The following XIRP2 variants were observed in gnomAD, a reference collection of about 807,000 sequenced individuals.
The protein encoded by XIRP2 is xin actin binding repeat containing 2.
A neutral mutation model predicts 277.0 loss-of-function variants in XIRP2; 236 were observed. The observed-to-expected ratio is 0.85, with a 90% CI of 0.77 to 0.95. The LOEUF (loss-of-function observed/expected upper bound fraction) is 0.95, where lower values mean the gene tolerates loss of function less well. Among genes scored for constraint, XIRP2 ranks in the 40% least tolerant of loss-of-function variants. XIRP2 has a pLI of 0.00. For missense variants in XIRP2, 4,640 were observed against 4,157.5 expected, an observed-to-expected ratio of 1.12 and a Z score of -3.19; for synonymous variants, 1,490 against 1,416.5, an observed-to-expected ratio of 1.05 and a Z score of -1.17.
At chr2:167,148,567 G>C (rs1459448687) in intron 3 of XIRP2, among the ~76,000 whole-genome samples, 1 of 151,822 alleles carries the variant, frequency 6.6e-6, no homozygotes, top group African/African-American at 2.4e-5. Flanking sequence ...AAACTGCAAA[G>C]TTATATAGCT....
At chr2:167,242,198 T>C (rs958848143) in intron 8 of XIRP2, among the ~76,000 whole-genome samples, 7 of 152,182 alleles carry the variant, frequency 4.6e-5, no homozygotes, top group Non-Finnish European at 8.8e-5. Flanking sequence ...GCTTACTCTG[T>C]TCTGTTTTAA....
intron 2 of XIRP2, among the ~76,000 whole-genome samples, chr2:167,064,655 A>C (rs1359163659): frequency 6.6e-6 from 1 of 151,446 alleles, no homozygotes; most frequent in Non-Finnish European, 1.5e-5. Flanking sequence ...TTAAACAGCA[A>C]CTCCCCTTTC....
At chr2:167,252,844 C>G (rs2105451578) in intron 9 of XIRP2, among the ~76,000 whole-genome samples, 1 of 152,018 alleles carries the variant, frequency 6.6e-6, no homozygotes, top group Non-Finnish European at 1.5e-5. Context: ...AATTATGCCT[C>G]CATCATATTT....
chr2:167,161,883 T>C (rs561186954), intron 3 of XIRP2, among the ~76,000 whole-genome samples: 1 of 152,332 alleles, frequency 6.6e-6, no homozygotes, highest in Non-Finnish European at 1.5e-5. Flanking sequence ...GCTTCCCTTA[T>C]AAAACGGAAT....
At chr2:167,111,124 G>T (rs866170705) in intron 2 of XIRP2, among the ~76,000 whole-genome samples, 1 of 152,060 alleles carries the variant, frequency 6.6e-6, no homozygotes, top group Non-Finnish European at 1.5e-5. Context: ...CTGCAAAGAG[G>T]AATAATTTGA....
intron 2 of XIRP2, among the ~76,000 whole-genome samples, chr2:166,976,051 G>C (rs1686709828): frequency 6.7e-6 from 1 of 148,530 alleles, no homozygotes; most frequent in Admixed American, 6.7e-5. Context: ...AGCCTTGACT[G>C]TCCCAGATAG....
intron 2 of XIRP2, among the ~76,000 whole-genome samples, chr2:166,907,213 A>G (rs1217927839): frequency 6.6e-6 from 1 of 152,212 alleles, no homozygotes; most frequent in Non-Finnish European, 1.5e-5. Context: ...AAATTCGTGT[A>G]AGCATCCTCT....
intron 1 of XIRP2, among the ~76,000 whole-genome samples, chr2:166,900,925 C>T (rs1227359951): frequency 6.6e-6 from 1 of 152,118 alleles, no homozygotes; most frequent in Non-Finnish European, 1.5e-5. Context: ...GGAGCCCCGT[C>T]ACCATCAAGT....
Position 167,088,072 on chromosome 2 carries a change from C to T in XIRP2, c.409-47837C>T, listed in dbSNP as rs558855243. Reference sequence around the variant, plus strand: ...AGTGGCCACTATTAATTTCTGGCAACAGCTATCTTAAAATATTTCCTTTGG... The same window carrying T: ...AGTGGCCACTATTAATTTCTGGCAATAGCTATCTTAAAATATTTCCTTTGG... On this transcript the variant is annotated intron_variant, in intron 2 of 10. Coordinates refer to ENST00000409195, the MANE Select transcript of XIRP2 (RefSeq NM_152381.6). Among the ~76,000 whole-genome samples, 4 of 152,220 alleles carry T rather than the reference C, an allele frequency of 2.6e-5. No homozygotes were observed. The South Asian group carries it at 8.3e-4, about 32-fold the overall frequency.
intron 3 of XIRP2, among the ~76,000 whole-genome samples, chr2:167,169,348 G>A (rs1284623557): frequency 6.6e-6 from 1 of 152,170 alleles, no homozygotes; most frequent in African/African-American, 2.4e-5. Context: ...TGACTGCGTG[G>A]CCCTGGGATT....
At position 167,243,782 on chromosome 2, in the gene XIRP2, T is replaced by C. The variant is rs745638377; in HGVS notation, c.2390T>C (p.Met797Thr). Residue 797 changes from methionine (M) to threonine (T), a missense_variant, in exon 9 of 11, where the codon ATG becomes ACG. Met to Thr is a moderately conservative substitution (Grantham distance 81, BLOSUM62 -1). Coordinates refer to ENST00000409195, the MANE Select transcript of XIRP2 (RefSeq NM_152381.6). Reference sequence around the variant, plus strand: ...ATTAAAGTTGTCCGAGGAATATCCATGGAAGAAAATGTCAAAGGTGGGGTG... The same window carrying C: ...ATTAAAGTTGTCCGAGGAATATCCACGGAAGAAAATGTCAAAGGTGGGGTG... ...TEIKVVRGIS[M>T]EENVKGGVSK... 3.1e-6 allele frequency: 5 copies of C among 1,613,860 alleles called. No homozygotes were observed. In the East Asian group the frequency reaches 8.9e-5, roughly 29 times the overall value.
intron 1 of XIRP2, among the ~76,000 whole-genome samples, chr2:166,898,994 T>C (rs893615274): frequency 6.6e-5 from 10 of 152,208 alleles, no homozygotes; most frequent in African/African-American, 1.9e-4. Context: ...GCCTTGGGCA[T>C]TTACATTTTA....
At chr2:167,101,496 G>A (rs1378174087) in intron 2 of XIRP2, among the ~76,000 whole-genome samples, 1 of 152,048 alleles carries the variant, frequency 6.6e-6, no homozygotes, top group African/African-American at 2.4e-5. Flanking sequence ...CCAAGTCTCC[G>A]ATGTCCATTG....
intron 2 of XIRP2, among the ~76,000 whole-genome samples, chr2:167,110,873 T>G (rs1003573564): frequency 6.6e-5 from 10 of 152,086 alleles, no homozygotes; most frequent in Non-Finnish European, 1.3e-4. Flanking sequence ...ATTATCATTA[T>G]GGAGAAATTT....
At chr2:167,112,085 C>T (rs1228013339) in intron 2 of XIRP2, among the ~76,000 whole-genome samples, 2 of 151,938 alleles carry the variant, frequency 1.3e-5, no homozygotes, top group East Asian at 3.9e-4. Context: ...AGTGTTTTAT[C>T]TATCTTATTA....
Position 167,243,405 on chromosome 2 carries a change from A to T in XIRP2, c.2013A>T (p.Gln671His), listed in dbSNP as rs1335763559. 1.2e-6 allele frequency: 2 copies of T among 1,613,940 alleles called. No homozygotes were observed. Among genetic ancestry groups the T allele is most frequent in the Non-Finnish European group, 1.7e-6 (2 of 1,179,986 alleles). Reference sequence around the variant, plus strand: ...TGGACTCAATGAATAAAATGCATCAAAGTCAAGAAGAATCAGCGGTAACTA... The same window carrying T: ...TGGACTCAATGAATAAAATGCATCATAGTCAAGAAGAATCAGCGGTAACTA... ...RPLDSMNKMH[Q>H]SQEESAVTIS... The change falls in exon 9 of 11, where the codon CAA becomes CAT. Residue 671 changes from glutamine (Q) to histidine (H), a missense_variant. Gln to His is a conservative substitution (Grantham distance 24). Coordinates refer to ENST00000409195, the MANE Select transcript of XIRP2 (RefSeq NM_152381.6).
rs951460747 is a variant in XIRP2, at chr2:166,948,375, C to G, written c.408+44485C>G. 6.6e-5 allele frequency among the ~76,000 whole-genome samples: 10 copies of G among 152,022 alleles called. 1 individual carries two copies. Among genetic ancestry groups the G allele is most frequent in the Admixed American group, 6.6e-4 (10 of 15,244 alleles). On this transcript the variant is annotated intron_variant, in intron 2 of 10. Transcript: ENST00000409195. ...TTTTCTTTGAACCTAAAACTTCTCT[C>G]TAAAAAAAATCTATTTTAAAAAGTC...
At chr2:166,994,939 A>G (rs970573438) in intron 2 of XIRP2, among the ~76,000 whole-genome samples, 5 of 150,716 alleles carry the variant, frequency 3.3e-5, no homozygotes, top group African/African-American at 1.2e-4. Flanking sequence ...TTTTTGACCG[A>G]GTCTCCATCT....
intron 1 of XIRP2, among the ~76,000 whole-genome samples, chr2:166,891,586 C>T (rs1028158764): frequency 2.0e-5 from 3 of 152,072 alleles, no homozygotes; most frequent in Admixed American, 6.6e-5. Context: ...TATTGAGCAA[C>T]TATCTGCCAA....
Sources: allele counts gnomAD v4.1 joint callset (sites outside exome capture counted in the v4.1 genomes callset), GRCh38; gene constraint gnomAD v4.1.1; transcripts MANE v1.5; gene names NCBI Gene and HGNC (gene_info 2026-07-23, HGNC 2026-07-21).